Variants in FRY observed in about 807,000 individuals in gnomAD.
The protein encoded by FRY is protein furry homolog.
In FRY, 128 loss-of-function variants were observed where a neutral mutation model predicts 348.4. The ratio of observed to expected loss-of-function variants is 0.37; its 90% CI spans 0.32 to 0.43. FRY has a LOEUF of 0.43. FRY is among the 20% of genes least tolerant of loss of function. FRY has a pLI of 1.00. For missense variants in FRY, 2,736 were observed against 3,695.2 expected, an observed-to-expected ratio of 0.74 and a Z score of 6.73; for synonymous variants, 1,370 against 1,374.7, an observed-to-expected ratio of 1.00 and a Z score of 0.08.
intron 2 of FRY, among the ~76,000 whole-genome samples, chr13:32,085,202 G>C (rs1875776394): frequency 6.6e-6 from 1 of 152,084 alleles, no homozygotes; most frequent in Non-Finnish European, 1.5e-5. Flanking sequence ...TCATTGATAT[G>C]GTCACCTTCT....
chr13:32,271,605 AG>A (rs1224443496), intron 55 of FRY, among the ~76,000 whole-genome samples: 1 of 152,206 alleles, frequency 6.6e-6, no homozygotes, highest in Non-Finnish European at 1.5e-5. Flanking sequence ...GGGACTCTCT[AG>A]CAACTTCTGA....
At chr13:32,262,503 G>A (rs1566177900) in intron 53 of FRY, 28 bp downstream of exon 53, 2 of 1,575,376 alleles carry the variant, frequency 1.3e-6, no homozygotes, top group Non-Finnish European at 1.7e-6. Context: ...ATGATGATTT[G>A]TACTTCCCTT....
chr13:32,185,779 G>T lies in FRY; in HGVS notation c.3320-481G>T, dbSNP rs79457374. Among the ~76,000 whole-genome samples the T allele has an allele frequency of 8.7e-3, 1,321 of 152,176 alleles. 17 individuals are homozygous for T. Among genetic ancestry groups the T allele is most frequent in the Admixed American group, 0.015 (223 of 15,290 alleles). The stretch of plus-strand genomic sequence containing the variant: ...TAATATTTCCGCTTTTCGCTATTTT[G>T]ATGTTAATAACCTTCTTTACCAATC... On this transcript the variant is annotated intron_variant, in intron 26 of 60. Transcript: ENST00000542859.
intron 54 of FRY, 77 bp from the exon 55 acceptor site, chr13:32,267,093 A>G: frequency 1.5e-6 from 2 of 1,351,186 alleles, no homozygotes; most frequent in Non-Finnish European, 2.1e-6. Flanking sequence ...GCTGACTCTC[A>G]GGGTGAGAAT....
In FRY at chr13:32,228,648, C is replaced by T. The variant is rs1031147520; in HGVS notation, c.5399C>T (p.Thr1800Met). 1.1e-5 allele frequency: 17 copies of T among 1,613,810 alleles called. No individual in the cohort carries two copies. The highest frequency in any genetic ancestry group is 7.6e-6 in the Non-Finnish European group (9 of 1,179,798). Residue 1800 changes from threonine (T) to methionine (M), a missense_variant, in exon 40 of 61, where the codon ACG (threonine) becomes ATG (methionine). Coordinates refer to ENST00000542859, the MANE Select transcript of FRY (RefSeq NM_023037.3). The part of the protein sequence containing the change: ...EKANKLIEFL[T>M]TRAFGPLWCH... ...GCAAACAAGCTCATTGAGTTTCTCA[C>T]GACCAGGTAATAAGGGGTTAGGAGT...
intron 46 of FRY, among the ~76,000 whole-genome samples, chr13:32,242,240 A>G (rs927521726): frequency 6.6e-6 from 1 of 152,210 alleles, no homozygotes; most frequent in Admixed American, 6.5e-5. Context: ...ATGACTCTAC[A>G]TTTCCTGAAG....
chr13:32,151,286 T>C (rs577025217), intron 14 of FRY, among the ~76,000 whole-genome samples: 1 of 152,162 alleles, frequency 6.6e-6, no homozygotes, highest in South Asian at 2.1e-4. Flanking sequence ...TGTAGAGCAG[T>C]TGGAACTGTG....
At chr13:32,182,123 G>T (rs981271607) in intron 23 of FRY, among the ~76,000 whole-genome samples, 1 of 152,176 alleles carries the variant, frequency 6.6e-6, no homozygotes, top group Non-Finnish European at 1.5e-5. Flanking sequence ...GAAAGTACAA[G>T]GTTTTCAAAC....
chr13:32,283,148 A>C (rs542948003), intron 58 of FRY, among the ~76,000 whole-genome samples: 8 of 152,150 alleles, frequency 5.3e-5, no homozygotes, highest in Admixed American at 3.3e-4. Context: ...CTCAAAAAAA[A>C]AAAACAAAAC....
chr13:32,266,116 A>G (rs1396877886), intron 54 of FRY, among the ~76,000 whole-genome samples: 1 of 152,256 alleles, frequency 6.6e-6, no homozygotes, highest in East Asian at 1.9e-4. Context: ...AGATTAATCC[A>G]GCATCTAGAA....
At chr13:32,097,654 C>T (rs1876836503) in intron 2 of FRY, among the ~76,000 whole-genome samples, 2 of 151,940 alleles carry the variant, frequency 1.3e-5, no homozygotes, top group Admixed American at 1.3e-4. Context: ...AGCCACCGTG[C>T]CCGGCCCAGA....
intron 18 of FRY, among the ~76,000 whole-genome samples, chr13:32,172,407 A>C (rs537623799): frequency 3.9e-4 from 60 of 152,222 alleles, no homozygotes; most frequent in Non-Finnish European, 8.1e-4. Context: ...GCTGTCCACT[A>C]GTTATTTTTA....
At chr13:32,109,142 A>G (rs1877777826) in intron 3 of FRY, among the ~76,000 whole-genome samples, 1 of 151,944 alleles carries the variant, frequency 6.6e-6, no homozygotes. Context: ...GATTATAAGC[A>G]AAATTATATA....
chr13:32,209,844 C>T, intron 33 of FRY, 113 bp downstream of exon 33: 1 of 1,055,638 alleles, frequency 9.5e-7, no homozygotes, highest in Non-Finnish European at 1.5e-6. Flanking sequence ...TCCAGTTAGT[C>T]ACATGAATCT....
chr13:32,188,062 C>T (rs1463663580), intron 28 of FRY, among the ~76,000 whole-genome samples: 1 of 152,028 alleles, frequency 6.6e-6, no homozygotes, highest in African/African-American at 2.4e-5. Flanking sequence ...AGTACTATAT[C>T]CTAAACTTGT....
intron 29 of FRY, among the ~76,000 whole-genome samples, chr13:32,200,240 A>G (rs1883931628): frequency 6.6e-6 from 1 of 152,204 alleles, no homozygotes; most frequent in South Asian, 2.1e-4. Flanking sequence ...GGTGGGGCAA[A>G]CATTCAAACC....
chr13:32,067,605 AG>A (rs1340566369), intron 1 of FRY, among the ~76,000 whole-genome samples: 1 of 152,230 alleles, frequency 6.6e-6, no homozygotes, highest in African/African-American at 2.4e-5. Context: ...TGAACTGCAG[AG>A]ATTTTGAACA....
chr13:32,033,505 A>G (rs1323068253), intron 1 of FRY, among the ~76,000 whole-genome samples: 1 of 152,218 alleles, frequency 6.6e-6, no homozygotes, highest in Non-Finnish European at 1.5e-5. Flanking sequence ...TCTATTTTCA[A>G]ATCACTCTAG....
At chr13:32,100,479 C>T (rs1475639150) in intron 2 of FRY, among the ~76,000 whole-genome samples, 1 of 151,314 alleles carries the variant, frequency 6.6e-6, no homozygotes, top group Admixed American at 6.6e-5. Flanking sequence ...CATAGGACCA[C>T]TTATAGCATC....
Sources: allele counts gnomAD v4.1 joint callset (sites outside exome capture counted in the v4.1 genomes callset), GRCh38; gene constraint gnomAD v4.1.1; transcripts MANE v1.5; gene names NCBI Gene and HGNC (gene_info 2026-07-23, HGNC 2026-07-21).